The following FREM1 variants were observed in gnomAD, a reference collection of about 807,000 sequenced individuals.
The protein encoded by FREM1 is FRAS1 related extracellular matrix 1, also known as FRAS1-related extracellular matrix protein 1.
In FREM1, 220 loss-of-function variants were observed where a neutral mutation model predicts 210.1. The observed-to-expected ratio is 1.05, with a 90% CI of 0.94 to 1.17. The LOEUF (loss-of-function observed/expected upper bound fraction) is 1.17, where lower values mean the gene tolerates loss of function less well. FREM1 is among the 50% of genes most tolerant of loss of function. FREM1 has a pLI of 0.00. For missense variants in FREM1, 3,454 were observed against 2,675.5 expected, an observed-to-expected ratio of 1.29 and a Z score of -6.42; for synonymous variants, 1,189 against 980.2, an observed-to-expected ratio of 1.21 and a Z score of -3.98.
intron 1 of FREM1, among the ~76,000 whole-genome samples, chr9:14,872,562 T>G (rs1832875926): frequency 6.6e-6 from 1 of 152,110 alleles, no homozygotes; most frequent in Non-Finnish European, 1.5e-5. Context: ...CTTAAGGAGA[T>G]TTTGGACTGA....
chr9:14,759,258 C>T (rs1265676422), intron 28 of FREM1, among the ~76,000 whole-genome samples: 7 of 151,986 alleles, frequency 4.6e-5, no homozygotes, highest in Admixed American at 4.6e-4. Context: ...GCTTGTAATC[C>T]CAGCACTTTC....
At chr9:14,875,145 C>G (rs1005238720) in intron 1 of FREM1, among the ~76,000 whole-genome samples, 1 of 152,118 alleles carries the variant, frequency 6.6e-6, no homozygotes. Flanking sequence ...AATTACGTGT[C>G]TTGGAGTTGC....
chr9:14,830,081 T>A (rs1400895844), intron 10 of FREM1, among the ~76,000 whole-genome samples: 1 of 152,104 alleles, frequency 6.6e-6, no homozygotes, highest in Non-Finnish European at 1.5e-5. Context: ...TGGGCAAAAC[T>A]AACAGTGTAA....
At chr9:14,803,327 C>CCCCTCCCCTA (rs758733762) in intron 19 of FREM1, among the ~76,000 whole-genome samples, 1,463 of 125,128 alleles carry the variant, frequency 0.012, 32 homozygotes, top group South Asian at 0.027. Flanking sequence ...CCCCTCCCCT[C>CCCCTCCCCTA]CCCTACCCTC....
intron 27 of FREM1, among the ~76,000 whole-genome samples, chr9:14,768,983 G>A (rs1222144514): frequency 6.6e-6 from 1 of 152,036 alleles, no homozygotes; most frequent in Non-Finnish European, 1.5e-5. Flanking sequence ...ACAAAAAACA[G>A]CACAGTACCA....
At chr9:14,885,364 T>C (rs961844665) in intron 1 of FREM1, among the ~76,000 whole-genome samples, 4 of 152,118 alleles carry the variant, frequency 2.6e-5, no homozygotes, top group Non-Finnish European at 5.9e-5. Flanking sequence ...TTATTGTTCG[T>C]TTTTACTTAT....
chr9:14,899,262 C>A (rs944875370), intron 1 of FREM1, among the ~76,000 whole-genome samples: 1 of 151,452 alleles, frequency 6.6e-6, no homozygotes, highest in Non-Finnish European at 1.5e-5. Flanking sequence ...TGGCTGCACA[C>A]CCATGCCAGT....
intron 1 of FREM1, among the ~76,000 whole-genome samples, chr9:14,889,855 A>T (rs865792978): frequency 1.3e-5 from 2 of 152,230 alleles, no homozygotes; most frequent in South Asian, 2.1e-4. Context: ...AGCCTTCATT[A>T]AAAAAATGAA....
intron 27 of FREM1, among the ~76,000 whole-genome samples, chr9:14,760,623 A>C (rs1453501638): frequency 6.6e-6 from 1 of 150,398 alleles, no homozygotes. Flanking sequence ...TTTTTTTCAA[A>C]AACAAACAGA....
rs7856810 is a variant in FREM1, at chr9:14,868,655, A to T, written c.234+89T>A. The T allele has an allele frequency of 0.43, 370,055 of 855,952 alleles. 87,437 individuals are homozygous for T. The highest frequency in any genetic ancestry group is 0.81 in the African/African-American group (48,359 of 60,054). The allele number at this position is 855,952 out of a possible 1,614,324, so 53.0% of individuals were successfully genotyped here. On this transcript the variant is annotated intron_variant, in intron 2 of 36. Transcript: ENST00000380880. ...CGTCTTTGATGGCTTGAGGGGAGAC[A>T]TTTTACATCTGTTCTCTGTCCCCCC...
At chr9:14,878,288 T>C (rs1195628571) in intron 1 of FREM1, among the ~76,000 whole-genome samples, 1 of 152,128 alleles carries the variant, frequency 6.6e-6, no homozygotes, top group African/African-American at 2.4e-5. Flanking sequence ...CACTCTAATA[T>C]CTTTGCTTTT....
At chr9:14,742,960 C>A (rs1209468097) in intron 35 of FREM1, among the ~76,000 whole-genome samples, 1 of 152,054 alleles carries the variant, frequency 6.6e-6, no homozygotes, top group Non-Finnish European at 1.5e-5. Flanking sequence ...TACCTGTGAG[C>A]AAGTGATTTC....
At chr9:14,804,513 G>A (rs13299265) in intron 19 of FREM1, among the ~76,000 whole-genome samples, 18,423 of 152,074 alleles carry the variant, frequency 0.12, 1,421 homozygotes, top group East Asian at 0.21. Flanking sequence ...TGAACCCGGG[G>A]GGCGGAGCTT....
At chr9:14,764,848 G>T (rs1392018086) in intron 27 of FREM1, among the ~76,000 whole-genome samples, 1 of 152,152 alleles carries the variant, frequency 6.6e-6, no homozygotes, top group Non-Finnish European at 1.5e-5. Context: ...AATACCTGGA[G>T]TTAAATCACC....
At chr9:14,858,619 C>G (rs964918996) in intron 4 of FREM1, among the ~76,000 whole-genome samples, 1 of 151,558 alleles carries the variant, frequency 6.6e-6, no homozygotes, top group Non-Finnish European at 1.5e-5. Context: ...CTATGATTAT[C>G]CCTTATATTT....
At chr9:14,832,281 T>G (rs1205898075) in intron 10 of FREM1, among the ~76,000 whole-genome samples, 1 of 152,192 alleles carries the variant, frequency 6.6e-6, no homozygotes, top group African/African-American at 2.4e-5. Flanking sequence ...AAGGCAGACT[T>G]AGGCCGATTT....
chr9:14,776,061 G>C lies in FREM1; in HGVS notation c.4585C>G (p.Leu1529Val), dbSNP rs760645412. 1.9e-5 allele frequency: 30 copies of C among 1,613,700 alleles called. No individual in the cohort carries two copies. The highest frequency in any genetic ancestry group is 2.4e-5 in the Non-Finnish European group (28 of 1,179,698). ...GTATCAGGGTCGGTCAGCTGAAGGAGGTCAGGGGAAAGCAGGCCCACGGCC... is the reference window on the plus strand; with the variant it reads ...GTATCAGGGTCGGTCAGCTGAAGGACGTCAGGGGAAAGCAGGCCCACGGCC... Reference protein sequence around the residue: ...QGAVGLLSPDLLQLTDPDTPA... With the variant: ...QGAVGLLSPDVLQLTDPDTPA... Residue 1529 changes from leucine to valine, a missense_variant, in exon 25 of 37, where the codon CTC becomes GTC. Physicochemically the swap from Leu to Val is conservative, Grantham distance 32 (BLOSUM62 1). Transcript: ENST00000380880.
intron 25 of FREM1, among the ~76,000 whole-genome samples, chr9:14,771,091 A>T (rs564786467): frequency 5.5e-4 from 83 of 152,252 alleles, no homozygotes; most frequent in Non-Finnish European, 5.4e-4. Context: ...GGCAGGCGTC[A>T]GGTCTTTCAC....
At chr9:14,785,895 T>G (rs1850354937) in intron 23 of FREM1, among the ~76,000 whole-genome samples, 1 of 152,212 alleles carries the variant, frequency 6.6e-6, no homozygotes. Flanking sequence ...TAAAAATGGT[T>G]AAGATGGTAC....
Sources: gnomAD v4.1 joint callset for allele counts (sites outside exome capture counted in the v4.1 genomes callset) on GRCh38, gnomAD v4.1.1 for gene constraint, MANE v1.5 for transcripts, NCBI Gene and HGNC (gene_info 2026-07-23, HGNC 2026-07-21) for gene names.